SVOPL: variants seen among roughly 807,000 people sequenced by gnomAD.
The protein encoded by SVOPL is SVOP like, also known as putative transporter SVOPL.
SVOPL carries 60 observed loss-of-function variants against 61.0 expected under a neutral mutation model. The observed-to-expected ratio is 0.98, with a 90% CI of 0.80 to 1.22. The LOEUF is 1.22. Ranked by LOEUF, SVOPL falls within the 50% of genes most tolerant of loss-of-function variation. The pLI, the probability that SVOPL is intolerant of heterozygous loss-of-function variation, is 0.00. For missense variants in SVOPL, 662 were observed against 643.9 expected, an observed-to-expected ratio of 1.03 and a Z score of -0.30; for synonymous variants, 279 against 250.0, an observed-to-expected ratio of 1.12 and a Z score of -1.09.
intron 9 of SVOPL, among the ~76,000 whole-genome samples, chr7:138,643,505 G>A (rs1179678272): frequency 6.6e-6 from 1 of 151,350 alleles, no homozygotes; most frequent in Non-Finnish European, 1.5e-5. Flanking sequence ...GTCAATAGCT[G>A]AACAGTAGAA....
At chr7:138,629,485 G>A (rs1038615932) in intron 10 of SVOPL, among the ~76,000 whole-genome samples, 2 of 152,022 alleles carry the variant, frequency 1.3e-5, no homozygotes, top group African/African-American at 2.4e-5. Context: ...CGCCTGTCTC[G>A]GCCTCCCAAA....
rs370134942 is a variant in SVOPL, at chr7:138,672,673, A to AGAAG, written c.175-557_175-556insCTTC. Among the ~76,000 whole-genome samples the AGAAG allele has an allele frequency of 1.1e-4, 16 of 150,568 alleles. No homozygotes were observed. The East Asian group carries it at 2.0e-3, about 18-fold the overall frequency. On this transcript the variant is annotated intron_variant, in intron 3 of 15. Transcript: ENST00000674285. ...TTTGTGTTTAAAAAAAAAAAAAAAA[A>AGAAG]AAGAAGCAATGGGATCTCACTATGT...
chr7:138,686,229 C>T (rs1441632683), intron 1 of SVOPL, among the ~76,000 whole-genome samples: 1 of 151,892 alleles, frequency 6.6e-6, no homozygotes, highest in Non-Finnish European at 1.5e-5. Flanking sequence ...CTGGTGAAAA[C>T]CCGTCTCTAC....
At chr7:138,622,162 C>A (rs376919425) in intron 13 of SVOPL, among the ~76,000 whole-genome samples, 1 of 35,848 alleles carries the variant, frequency 2.8e-5, no homozygotes, top group African/African-American at 8.1e-5. Flanking sequence ...ATCTATCTGT[C>A]TATGTATCTA....
intron 4 of SVOPL, among the ~76,000 whole-genome samples, chr7:138,669,316 G>A (rs961839268): frequency 4.6e-5 from 7 of 152,148 alleles, no homozygotes; most frequent in African/African-American, 1.7e-4. Context: ...GCTAAGGCAA[G>A]AGGATTATTT....
intron 14 of SVOPL, among the ~76,000 whole-genome samples, chr7:138,612,416 AAAAAAAATAAAAT>A: frequency 7.4e-6 from 1 of 135,482 alleles, no homozygotes; most frequent in Admixed American, 7.8e-5. Flanking sequence ...AAAAAAAAAA[AAAAAAAATAAAAT>A]AAAAAATAAA....
At chr7:138,675,052 T>C (rs963913766) in intron 3 of SVOPL, among the ~76,000 whole-genome samples, 7 of 152,028 alleles carry the variant, frequency 4.6e-5, no homozygotes, top group African/African-American at 1.7e-4. Context: ...ATTGTACCAT[T>C]GGTTATCATC....
intron 14 of SVOPL, among the ~76,000 whole-genome samples, chr7:138,619,561 T>TTAA (rs1554455912): frequency 1.2e-4 from 7 of 60,302 alleles, no homozygotes; most frequent in South Asian, 1.7e-3. Context: ...TCTCAGATGT[T>TTAA]AAAAAAAAAA....
chr7:138,696,709 C>A (rs1803072249), intron 1 of SVOPL, among the ~76,000 whole-genome samples: 1 of 152,168 alleles, frequency 6.6e-6, no homozygotes, highest in Non-Finnish European at 1.5e-5. Flanking sequence ...CAGGCGTGAG[C>A]CACCGCACCC....
At chr7:138,627,896 A>T (rs74416752) in intron 11 of SVOPL, among the ~76,000 whole-genome samples, 3,771 of 152,304 alleles carry the variant, frequency 0.025, 115 homozygotes, top group African/African-American at 0.072. Flanking sequence ...ATTGTAAGCC[A>T]CATGCCAATT....
At chr7:138,596,638 C>T in intron 14 of SVOPL, 108 bp from the exon 15 acceptor site, 1 of 1,460,860 alleles carries the variant, frequency 6.8e-7, no homozygotes, top group African/African-American at 1.4e-5. Context: ...TGGTCCTTTG[C>T]AGCCATTCTA....
At chr7:138,692,444 C>T (rs879482139) in intron 1 of SVOPL, among the ~76,000 whole-genome samples, 5 of 152,162 alleles carry the variant, frequency 3.3e-5, no homozygotes, top group East Asian at 1.9e-4. Flanking sequence ...CACATATAAA[C>T]GCTCCATGCA....
At chr7:138,670,532 C>T (rs1235904831) in intron 4 of SVOPL, among the ~76,000 whole-genome samples, 1 of 152,160 alleles carries the variant, frequency 6.6e-6, no homozygotes, top group Non-Finnish European at 1.5e-5. Context: ...TAAGCAGACT[C>T]AGCATACTTG....
Position 138,691,728 on chromosome 7 carries a change from A to G in SVOPL, c.-35+9450T>C, listed in dbSNP as rs559433258. Among the ~76,000 whole-genome samples, 112 of 151,902 alleles carry G rather than the reference A, an allele frequency of 7.4e-4. 2 individuals carry two copies. In the South Asian group the frequency reaches 0.022, roughly 30 times the overall value. The stretch of plus-strand genomic sequence containing the variant: ...GCTAATTTTTGTATTTTTAGTAGAG[A>G]CGGGGTTTCGCCACGTTGGCCAGGC... On this transcript the variant is annotated intron_variant, in intron 1 of 15. Transcript: ENST00000674285.
At chr7:138,648,206 A>C (rs1801218465) in intron 8 of SVOPL, among the ~76,000 whole-genome samples, 2 of 152,080 alleles carry the variant, frequency 1.3e-5, no homozygotes, top group South Asian at 4.1e-4. Flanking sequence ...GTCAGCAAAA[A>C]CAGGACGGAG....
intron 3 of SVOPL, among the ~76,000 whole-genome samples, chr7:138,676,790 T>A (rs1305023984): frequency 6.6e-6 from 1 of 152,080 alleles, no homozygotes; most frequent in African/African-American, 2.4e-5. Context: ...TTTTAAAAAA[T>A]GAGTATTGAA....
At chr7:138,637,335 T>C (rs1040614451) in intron 9 of SVOPL, among the ~76,000 whole-genome samples, 12 of 149,162 alleles carry the variant, frequency 8.0e-5, no homozygotes, top group African/African-American at 2.7e-4. Flanking sequence ...GGCTGAAGCA[T>C]GAAAAACACT....
chr7:138,687,734 A>G (rs1465746312), intron 1 of SVOPL, among the ~76,000 whole-genome samples: 1 of 151,344 alleles, frequency 6.6e-6, no homozygotes, highest in Non-Finnish European at 1.5e-5. Flanking sequence ...TTTGCAAACC[A>G]TATACCTGAT....
At position 138,626,066 on chromosome 7, in the gene SVOPL, C is replaced by T. The variant is rs144638129; in HGVS notation, c.1182-16G>A. The T allele has an allele frequency of 2.2e-5, 35 of 1,613,442 alleles. No homozygotes were observed. The highest frequency in any genetic ancestry group is 4.4e-5 in the South Asian group (4 of 90,968). ...CAGGCCGGCACTAGAAAACAGGAAGCGGAGAGAAATTATAAAAGGCAGCAT... is the reference window on the plus strand; with the variant it reads ...CAGGCCGGCACTAGAAAACAGGAAGTGGAGAGAAATTATAAAAGGCAGCAT... On this transcript the variant is annotated splice_polypyrimidine_tract_variant and intron_variant, in intron 12 of 15. Coordinates refer to ENST00000674285, the MANE Select transcript of SVOPL (RefSeq NM_001139456.2).
Sources: gnomAD v4.1 joint callset for allele counts (sites outside exome capture counted in the v4.1 genomes callset) on GRCh38, gnomAD v4.1.1 for gene constraint, MANE v1.5 for transcripts, NCBI Gene and HGNC (gene_info 2026-07-23, HGNC 2026-07-21) for gene names.